Variants in PCDHGA5 observed in about 807,000 individuals in gnomAD.
The protein encoded by PCDHGA5 is protocadherin gamma subfamily A, 5, also known as protocadherin gamma-A5.
A neutral mutation model predicts 56.7 loss-of-function variants in PCDHGA5; 36 were observed. The ratio of observed to expected loss-of-function variants is 0.64; its 90% confidence interval spans 0.49 to 0.84. The LOEUF (loss-of-function observed/expected upper bound fraction) is 0.84. Ranked by LOEUF, PCDHGA5 falls within the 40% of genes least tolerant of loss-of-function variation. The pLI, the probability that PCDHGA5 is intolerant of heterozygous loss-of-function variation, is 0.00. For missense variants in PCDHGA5, 1,305 were observed against 1,201.5 expected, an observed-to-expected ratio of 1.09 and a Z score of -1.27; for synonymous variants, 563 against 520.2, an observed-to-expected ratio of 1.08 and a Z score of -1.12.
Position 141,431,919 on chromosome 5 carries a change from A to C in PCDHGA5, c.2422-62888A>C, listed in dbSNP as rs2097428718. The C allele has an allele frequency of 7.4e-6, 12 of 1,614,040 alleles. No individual in the cohort carries two copies. Among genetic ancestry groups the C allele is most frequent in the Non-Finnish European group, 1.0e-5 (12 of 1,179,980 alleles). On this transcript the variant is annotated intron_variant, in intron 1 of 3. Transcript: ENST00000518069. This position sits in a 1 kb window ranked among gnomAD's most constrained non-coding sequence, Gnocchi z 4.8. ...AACGGACAGGTGATCTGTTTCATCC[A>C]AGGAAATCTGCCCTTTAAATTAGAA... is the stretch of plus-strand genomic sequence containing the variant.
intron 3 of PCDHGA5, among the ~76,000 whole-genome samples, chr5:141,506,943 T>A (rs2099857373): frequency 6.6e-6 from 1 of 152,192 alleles, no homozygotes; most frequent in South Asian, 2.1e-4. Context: ...GGGCCTCCTG[T>A]CAATGAATCC....
Position 141,364,971 on chromosome 5 carries a change from C to G in PCDHGA5, c.641C>G (p.Ala214Gly). Residue 214 changes from alanine (A) to glycine (G), a missense_variant, in exon 1 of 4, where the codon GCT (alanine) becomes GGT (glycine). By Grantham distance (60) the Ala-to-Gly change is moderately conservative (BLOSUM62 0). Transcript: ENST00000518069. ...KETVHDLLLTALDGGDPVLSG... is the reference protein window; with the variant it reads ...KETVHDLLLTGLDGGDPVLSG... ...ACTGTTCACGACCTCCTCCTCACAG[C>G]TTTAGATGGCGGAGACCCGGTACTC... 1.9e-6 allele frequency: 3 copies of G among 1,613,916 alleles called. No individual in the cohort carries two copies. Among genetic ancestry groups the G allele is most frequent in the Non-Finnish European group, 2.5e-6 (3 of 1,179,894 alleles).
intron 1 of PCDHGA5, chr5:141,399,373 G>A: frequency 6.2e-7 from 1 of 1,613,982 alleles, no homozygotes; most frequent in Non-Finnish European, 8.5e-7. Flanking sequence ...GGAGTACAAT[G>A]TCACCATCAC....
chr5:141,392,931 G>A (rs2092632355), intron 1 of PCDHGA5: 2 of 1,613,802 alleles, frequency 1.2e-6, no homozygotes, highest in Admixed American at 1.7e-5. Context: ...AGAAGAGACG[G>A]ACAAAGGCTC....
intron 1 of PCDHGA5, chr5:141,441,780 C>A: frequency 2.6e-6 from 1 of 391,236 alleles, no homozygotes. Flanking sequence ...GGTGGACGAC[C>A]TGAATGACAA....
chr5:141,451,606 G>A (rs2098720118), intron 1 of PCDHGA5, among the ~76,000 whole-genome samples: 1 of 152,152 alleles, frequency 6.6e-6, no homozygotes, highest in Admixed American at 6.5e-5. Flanking sequence ...ACAAGGCTAG[G>A]CATGGTGGCT....
At position 141,366,470 on chromosome 5, in the gene PCDHGA5, C is replaced by T. The variant is rs374198651; in HGVS notation, c.2140C>T (p.Leu714Phe). 3.1e-6 allele frequency: 5 copies of T among 1,614,136 alleles called. No individual in the cohort carries two copies. In the African/African-American group the frequency reaches 6.7e-5, roughly 22 times the overall value. Residue 714 changes from leucine to phenylalanine, a missense_variant, in exon 1 of 4, where the codon CTC becomes TTC. By Grantham distance (22) the Leu-to-Phe change is conservative. Transcript: ENST00000518069. ...FLAFVIVLLV[L>F]RLRRWHKSRL... ...GGCCTTCGTCATCGTGCTGCTGGTG[C>T]TCAGACTGAGGCGCTGGCACAAGTC...
chr5:141,364,538 G>A lies in PCDHGA5; in HGVS notation c.208G>A (p.Gly70Ser). 6.2e-7 allele frequency: 1 copy of A among 1,614,118 alleles called. No individual in the cohort carries two copies. Among genetic ancestry groups the A allele is most frequent in the South Asian group, 1.1e-5 (1 of 91,092 alleles). Residue 70 changes from glycine (G) to serine (S), a missense_variant, in exon 1 of 4, where the codon GGT becomes AGT. Transcript: ENST00000518069. ...AERGVRIVSR[G>S]RTQLFALNPR... Reference sequence around the variant, plus strand: ...GCGCGGAGTCCGCATCGTCTCCAGAGGTAGGACGCAGCTTTTTGCCCTGAA... The same window carrying A: ...GCGCGGAGTCCGCATCGTCTCCAGAAGTAGGACGCAGCTTTTTGCCCTGAA...
intron 1 of PCDHGA5, chr5:141,388,870 G>T (rs1196888001): frequency 4.3e-6 from 7 of 1,613,964 alleles, no homozygotes; most frequent in Non-Finnish European, 5.9e-6. Flanking sequence ...ATTGCGCAAT[G>T]CACAGTGGAG....
At position 141,486,209 on chromosome 5, in the gene PCDHGA5, A is replaced by G. The variant is rs749965379; in HGVS notation, c.2422-8598A>G. 1.2e-6 allele frequency: 2 copies of G among 1,614,080 alleles called. No homozygotes were observed. The highest frequency in any genetic ancestry group is 1.7e-6 in the Non-Finnish European group (2 of 1,179,988). ...AGTGGATCTGCTGGACGTAAATGAC[A>G]ATGCCCCTTACATCACAGTGACCTC... On this transcript the variant is annotated intron_variant, in intron 1 of 3. Transcript: ENST00000518069. The surrounding 1 kb of genome is among the most constrained non-coding windows in gnomAD (Gnocchi z 5.0).
At chr5:141,420,240 C>G (rs752339982) in intron 1 of PCDHGA5, 3 of 1,593,140 alleles carry the variant, frequency 1.9e-6, no homozygotes, top group Non-Finnish European at 2.6e-6. Context: ...ATTTTAACTC[C>G]CAGCGTTGAA....
chr5:141,371,712 C>T (rs1403380623), intron 1 of PCDHGA5: 1 of 1,614,078 alleles, frequency 6.2e-7, no homozygotes, highest in Admixed American at 1.7e-5. Context: ...GACCATCACT[C>T]TGCACATCCT....
Position 141,435,556 on chromosome 5 carries a change from G to C in PCDHGA5, c.2422-59251G>C, listed in dbSNP as rs568743865. ...AGAATTAACAAAATGTGTTTTGAGT[G>C]CTTTTTTTAGTACTGGGGCAAATTT... is the stretch of plus-strand genomic sequence containing the variant. On this transcript the variant is annotated intron_variant, in intron 1 of 3. Transcript: ENST00000518069. Among the ~76,000 whole-genome samples, 7 of 152,242 alleles carry C rather than the reference G, an allele frequency of 4.6e-5. 1 individual carries two copies. Among genetic ancestry groups the C allele is most frequent in the African/African-American group, 1.4e-4 (6 of 41,544 alleles).
At position 141,431,968 on chromosome 5, in the gene PCDHGA5, T is replaced by A. The variant is rs571981127; in HGVS notation, c.2422-62839T>A. On this transcript the variant is annotated intron_variant, in intron 1 of 3. Coordinates refer to ENST00000518069, the MANE Select transcript of PCDHGA5 (RefSeq NM_018918.3). The surrounding 1 kb of genome is among the most constrained non-coding windows in gnomAD (Gnocchi z 4.8). Reference sequence around the variant, plus strand: ...AAAAATCTTACGGAAATTACTATAGTTTAGTCACAGACATAGTCTTGGATA... The same window carrying A: ...AAAAATCTTACGGAAATTACTATAGATTAGTCACAGACATAGTCTTGGATA... 1.9e-6 allele frequency: 3 copies of A among 1,614,072 alleles called. No individual in the cohort carries two copies. Among genetic ancestry groups the A allele is most frequent in the Non-Finnish European group, 2.5e-6 (3 of 1,180,014 alleles).
At chr5:141,387,557 G>A in intron 1 of PCDHGA5, 1 of 416,144 alleles carries the variant, frequency 2.4e-6, no homozygotes. Flanking sequence ...TTTCAGTTAG[G>A]CACACAATTA....
At chr5:141,390,164 G>C in intron 1 of PCDHGA5, 1 of 1,614,006 alleles carries the variant, frequency 6.2e-7, no homozygotes, top group Non-Finnish European at 8.5e-7. Context: ...CAGGAAAGAC[G>C]GAGTTTAATT....
At chr5:141,370,913 C>T (rs1242230651) in intron 1 of PCDHGA5, 5 of 1,613,884 alleles carry the variant, frequency 3.1e-6, no homozygotes, top group African/African-American at 2.7e-5. Context: ...ACTACCTCAG[C>T]CCTGATCCGC....
At chr5:141,455,903 ATTTATTT>A (rs2098836354) in intron 1 of PCDHGA5, among the ~76,000 whole-genome samples, 1 of 145,228 alleles carries the variant, frequency 6.9e-6, no homozygotes, top group African/African-American at 2.7e-5. Context: ...TTATTTATTT[ATTTATTT>A]ATTTTGAGAC....
intron 1 of PCDHGA5, among the ~76,000 whole-genome samples, chr5:141,450,814 A>C (rs990515429): frequency 1.5e-5 from 2 of 136,790 alleles, no homozygotes; most frequent in Non-Finnish European, 3.1e-5. Context: ...TTATTTATTT[A>C]ATATTATTAT....
Sources: allele counts gnomAD v4.1 joint callset (sites outside exome capture counted in the v4.1 genomes callset), GRCh38; gene constraint gnomAD v4.1.1; non-coding constraint Gnocchi (gnomAD v3.1); transcripts MANE v1.5; gene names NCBI Gene and HGNC (gene_info 2026-07-23, HGNC 2026-07-21).